The following MEMO1 variants were observed in gnomAD, a reference collection of about 807,000 sequenced individuals.
The protein encoded by MEMO1 is mediator of cell motility 1.
Under a neutral mutation model 45.2 loss-of-function variants are expected in MEMO1, and 6 were observed. The ratio of observed to expected loss-of-function variants is 0.13; its 90% CI spans 0.07 to 0.26. MEMO1 has a LOEUF of 0.26. Ranked by LOEUF, MEMO1 falls within the 10% of genes least tolerant of loss-of-function variation. MEMO1 has a pLI of 1.00. For missense variants in MEMO1, 184 were observed against 370.5 expected, an observed-to-expected ratio of 0.50 and a Z score of 4.13; for synonymous variants, 78 against 124.3, an observed-to-expected ratio of 0.63 and a Z score of 2.48.
chr2:31,957,855 G>A (rs1265978722), intron 2 of MEMO1, among the ~76,000 whole-genome samples: 1 of 152,210 alleles, frequency 6.6e-6, no homozygotes, highest in African/African-American at 2.4e-5. Flanking sequence ...TAACTATAAT[G>A]GGATACAATT....
At chr2:31,916,480 C>A (rs1244605338) in intron 6 of MEMO1, among the ~76,000 whole-genome samples, 1 of 152,196 alleles carries the variant, frequency 6.6e-6, no homozygotes, top group Non-Finnish European at 1.5e-5. Flanking sequence ...GTGCCCACCT[C>A]CGCCTCCCAA....
At chr2:31,915,163 C>G (rs551287282) in intron 6 of MEMO1, among the ~76,000 whole-genome samples, 1 of 152,006 alleles carries the variant, frequency 6.6e-6, no homozygotes, top group Non-Finnish European at 1.5e-5. Flanking sequence ...AAAAGAGAAA[C>G]CACACTCAAG....
chr2:31,916,666 T>C (rs1558500953), intron 6 of MEMO1, among the ~76,000 whole-genome samples: 2 of 152,210 alleles, frequency 1.3e-5, no homozygotes, highest in South Asian at 2.1e-4. Context: ...AGAAGTAATA[T>C]ATATGGTTTC....
intron 4 of MEMO1, among the ~76,000 whole-genome samples, chr2:31,929,507 A>G (rs891825330): frequency 6.6e-6 from 1 of 152,160 alleles, no homozygotes; most frequent in African/African-American, 2.4e-5. Flanking sequence ...ATATGTTAAT[A>G]CCCTTATCTA....
At chr2:31,953,791 T>C (rs1667115090) in intron 2 of MEMO1, among the ~76,000 whole-genome samples, 1 of 152,090 alleles carries the variant, frequency 6.6e-6, no homozygotes, top group South Asian at 2.1e-4. Flanking sequence ...ATTCAAAATG[T>C]TATCCAAAAC....
At chr2:31,930,751 T>C (rs1050104380) in intron 4 of MEMO1, among the ~76,000 whole-genome samples, 4 of 151,664 alleles carry the variant, frequency 2.6e-5, no homozygotes, top group African/African-American at 7.3e-5. Context: ...ATTCAAGTGA[T>C]TCCCCTGCCT....
intron 6 of MEMO1, among the ~76,000 whole-genome samples, chr2:31,898,774 T>C (rs1394660147): frequency 6.6e-6 from 1 of 152,146 alleles, no homozygotes; most frequent in Non-Finnish European, 1.5e-5. Flanking sequence ...CCTTGTTAAT[T>C]TTCTGTCTCA....
At chr2:31,880,932 G>T (rs1558473357) in intron 8 of MEMO1, among the ~76,000 whole-genome samples, 2 of 152,142 alleles carry the variant, frequency 1.3e-5, no homozygotes, top group African/African-American at 4.8e-5. Flanking sequence ...GCTGAAGTGG[G>T]AGGACTGTTT....
At chr2:31,941,501 C>G (rs578166865) in intron 3 of MEMO1, among the ~76,000 whole-genome samples, 1 of 152,194 alleles carries the variant, frequency 6.6e-6, no homozygotes, top group Admixed American at 6.5e-5. Context: ...TATTTGTTTA[C>G]TGCCTGTCTT....
At chr2:31,899,327 C>G (rs1021309121) in intron 6 of MEMO1, among the ~76,000 whole-genome samples, 2 of 152,020 alleles carry the variant, frequency 1.3e-5, no homozygotes, top group African/African-American at 2.4e-5. Context: ...GTACTGGTAC[C>G]AAAACAGATA....
intron 4 of MEMO1, among the ~76,000 whole-genome samples, chr2:31,928,869 C>T (rs1257910262): frequency 2.0e-5 from 3 of 152,206 alleles, no homozygotes; most frequent in Admixed American, 2.0e-4. Context: ...GAAACTTAGA[C>T]TCTTTAAAAA....
In MEMO1 at chr2:31,914,961, T is replaced by TAA. The variant is rs34556047; in HGVS notation, c.437+2963_437+2964dup. 9.3e-3 allele frequency among the ~76,000 whole-genome samples: 1,115 copies of TAA among 120,172 alleles called. 22 individuals carry two copies. The highest frequency in any genetic ancestry group is 0.028 in the African/African-American group (849 of 30,808). 78.8% of individuals were successfully genotyped at this position (120,172 alleles called of 152,430 possible). On this transcript the variant is annotated intron_variant, in intron 6 of 9. Coordinates refer to ENST00000404530, the MANE Select transcript of MEMO1 (RefSeq NM_001301833.4). ...GACAGAATGAGACCCTGTCTCTTTT[T>TAA]AAAAAAAAAAAAAAAAAAAAAGAGG...
intron 2 of MEMO1, chr2:31,963,090 G>A: frequency 7.2e-7 from 1 of 1,394,846 alleles, no homozygotes; most frequent in Non-Finnish European, 9.4e-7. Context: ...TAAGTCTTGA[G>A]TCAACCAACC....
intron 6 of MEMO1, 53 bp downstream of exon 6, chr2:31,917,873 A>G (rs985014976): frequency 8.0e-7 from 1 of 1,247,520 alleles, no homozygotes; most frequent in South Asian, 1.4e-5. Context: ...TTAAATTACC[A>G]AAGAAATTAA....
At chr2:32,000,851 T>C (rs1166492885) in intron 2 of MEMO1, among the ~76,000 whole-genome samples, 1 of 151,946 alleles carries the variant, frequency 6.6e-6, no homozygotes, top group Non-Finnish European at 1.5e-5. Flanking sequence ...CCAATTTTCC[T>C]TACTTTATCC....
intron 8 of MEMO1, among the ~76,000 whole-genome samples, chr2:31,875,649 C>T (rs1674445232): frequency 6.6e-6 from 1 of 152,058 alleles, no homozygotes; most frequent in African/African-American, 2.4e-5. Context: ...TCATCTCTCC[C>T]TTGAACTTCT....
At chr2:31,946,422 T>C (rs1327703254) in intron 2 of MEMO1, among the ~76,000 whole-genome samples, 1 of 152,332 alleles carries the variant, frequency 6.6e-6, no homozygotes, top group African/African-American at 2.4e-5. Flanking sequence ...AACAATGGTG[T>C]TCATCTTAAA....
intron 2 of MEMO1, among the ~76,000 whole-genome samples, chr2:31,982,286 ACT>A (rs1301914562): frequency 8.3e-6 from 1 of 120,450 alleles, no homozygotes; most frequent in African/African-American, 3.2e-5. Flanking sequence ...ACAGAGGAAG[ACT>A]CTGTCTTCGA....
chr2:31,933,477 G>A (rs547048043), intron 3 of MEMO1, among the ~76,000 whole-genome samples: 10 of 149,006 alleles, frequency 6.7e-5, no homozygotes, highest in South Asian at 2.1e-4. Flanking sequence ...GAATATGTTC[G>A]TTTTCTTGAT....
Sources: gnomAD v4.1 joint callset for allele counts (sites outside exome capture counted in the v4.1 genomes callset) on GRCh38, gnomAD v4.1.1 for gene constraint, MANE v1.5 for transcripts, NCBI Gene and HGNC (gene_info 2026-07-23, HGNC 2026-07-21) for gene names.